Variants in SAMTOR observed in about 807,000 individuals in gnomAD.
The protein encoded by SAMTOR is UPF0532 protein C7orf60.
the SAMTOR span, among the ~76,000 whole-genome samples, chr7:112,916,517 C>G: frequency 1.3e-5 from 2 of 152,296 alleles, no homozygotes; most frequent in South Asian, 4.1e-4. Flanking sequence ...GTGACTGAAG[C>G]AGAAGACAGG....
the SAMTOR span, among the ~76,000 whole-genome samples, chr7:112,873,280 TA>T: frequency 6.6e-6 from 1 of 152,090 alleles, no homozygotes; most frequent in African/African-American, 2.4e-5. Context: ...CAGCCAAAGT[TA>T]AAAAGCTGGA....
chr7:112,875,736 T>C, the SAMTOR span, among the ~76,000 whole-genome samples: 2 of 152,192 alleles, frequency 1.3e-5, no homozygotes, highest in Admixed American at 6.5e-5. Flanking sequence ...AGGTCAATGA[T>C]GACTTAATCA....
chr7:112,933,838 A>G, the SAMTOR span, among the ~76,000 whole-genome samples: 1 of 152,152 alleles, frequency 6.6e-6, no homozygotes, highest in Non-Finnish European at 1.5e-5. Context: ...TCACTGGAAG[A>G]TTCTGGAGCC....
At chr7:112,927,148 T>C in the SAMTOR span, among the ~76,000 whole-genome samples, 1 of 152,030 alleles carries the variant, frequency 6.6e-6, no homozygotes, top group Non-Finnish European at 1.5e-5. Flanking sequence ...TAATCTATGA[T>C]TCAGGTTCTA....
chr7:112,887,909 A>AT, the SAMTOR span, among the ~76,000 whole-genome samples: 1 of 151,526 alleles, frequency 6.6e-6, no homozygotes, highest in South Asian at 2.1e-4. Context: ...GGTTTCACTG[A>AT]TTTTCTCTAT....
chr7:112,918,709 C>A, the SAMTOR span, among the ~76,000 whole-genome samples: 1 of 152,084 alleles, frequency 6.6e-6, no homozygotes, highest in East Asian at 1.9e-4. Context: ...ACCCATCTCA[C>A]GTGCAGAGAC....
At chr7:112,921,094 T>C in the SAMTOR span, among the ~76,000 whole-genome samples, 10 of 152,102 alleles carry the variant, frequency 6.6e-5, no homozygotes, top group Non-Finnish European at 1.2e-4. Context: ...TGGAAAAAAC[T>C]ACTTTAAAGT....
chr7:112,927,239 C>T, the SAMTOR span, among the ~76,000 whole-genome samples: 1 of 152,000 alleles, frequency 6.6e-6, no homozygotes, highest in East Asian at 1.9e-4. Flanking sequence ...CATATACAAA[C>T]AATATATTAA....
the SAMTOR span, chr7:112,895,501 T>C: frequency 8.3e-7 from 1 of 1,198,938 alleles, no homozygotes; most frequent in Non-Finnish European, 1.1e-6. Flanking sequence ...CTGTTTAGTA[T>C]GAACCACTGC....
the SAMTOR span, among the ~76,000 whole-genome samples, chr7:112,924,302 G>A: frequency 6.6e-5 from 10 of 151,792 alleles, no homozygotes; most frequent in African/African-American, 2.4e-4. Flanking sequence ...CATCTAAGAG[G>A]TTTTTTTTAA....
chr7:112,885,077 T>C, the SAMTOR span, among the ~76,000 whole-genome samples: 35 of 152,332 alleles, frequency 2.3e-4, 2 homozygotes, highest in African/African-American at 7.9e-4. Flanking sequence ...TCTGAAGCAA[T>C]GGCCTGAGCT....
the SAMTOR span, among the ~76,000 whole-genome samples, chr7:112,900,262 TTGAG>T: frequency 6.6e-6 from 1 of 152,176 alleles, no homozygotes; most frequent in Admixed American, 6.5e-5. Context: ...GTCCAAAGGC[TTGAG>T]AACTATTTTA....
At chr7:112,927,750 A>G in the SAMTOR span, among the ~76,000 whole-genome samples, 1 of 152,094 alleles carries the variant, frequency 6.6e-6, no homozygotes, top group African/African-American at 2.4e-5. Context: ...TCTACAGCTT[A>G]AATTGTCTTA....
chr7:112,925,144 A>G, the SAMTOR span, among the ~76,000 whole-genome samples: 1 of 152,252 alleles, frequency 6.6e-6, no homozygotes, highest in African/African-American at 2.4e-5. Flanking sequence ...GTCTCTAAAT[A>G]GAACTTCAGA....
At chr7:112,922,415 C>T in the SAMTOR span, among the ~76,000 whole-genome samples, 2 of 152,098 alleles carry the variant, frequency 1.3e-5, no homozygotes, top group Admixed American at 1.3e-4. Flanking sequence ...GCCTGGCCGC[C>T]CATCGTCTGG....
chr7:112,841,397 G>A, the SAMTOR span, among the ~76,000 whole-genome samples: 1 of 152,002 alleles, frequency 6.6e-6, no homozygotes, highest in African/African-American at 2.4e-5. Context: ...CCTCTTCAAG[G>A]AGAACTACAA....
At chr7:112,849,371 A>G in the SAMTOR span, among the ~76,000 whole-genome samples, 2 of 152,136 alleles carry the variant, frequency 1.3e-5, no homozygotes, top group Admixed American at 6.5e-5. Context: ...AGCTCTCTCT[A>G]TCTTTACCTA....
chr7:112,835,580 A>G, the SAMTOR span, among the ~76,000 whole-genome samples: 1 of 152,032 alleles, frequency 6.6e-6, no homozygotes, highest in South Asian at 2.1e-4. Context: ...TTATTTTGTC[A>G]CCCAGGTAAT....
At chr7:112,874,389 C>T in the SAMTOR span, among the ~76,000 whole-genome samples, 1 of 152,068 alleles carries the variant, frequency 6.6e-6, no homozygotes, top group Non-Finnish European at 1.5e-5. Flanking sequence ...TCCTCTGCAG[C>T]AACATGATGC....
Sources: allele counts gnomAD v4.1 joint callset (sites outside exome capture counted in the v4.1 genomes callset), GRCh38; gene constraint gnomAD v4.1.1; transcripts MANE v1.5; gene names NCBI Gene and HGNC (gene_info 2026-07-23, HGNC 2026-07-21).